Variants in CLVS1 observed in about 807,000 individuals in gnomAD.
CLVS1 encodes the protein clavesin-1.
A neutral mutation model predicts 33.1 loss-of-function variants in CLVS1; 10 were observed. The ratio of observed to expected loss-of-function variants is 0.30; its 90% CI spans 0.19 to 0.51. CLVS1 has a LOEUF of 0.51. Among genes scored for constraint, CLVS1 ranks in the 20% least tolerant of loss-of-function variants. The pLI, the probability that CLVS1 is intolerant of heterozygous loss-of-function variation, is 0.97. For missense variants in CLVS1, 343 were observed against 433.4 expected (o/e 0.79, Z 1.85); for synonymous variants, 163 against 166.1 (o/e 0.98, Z 0.14).
intron 2 of CLVS1, among the ~76,000 whole-genome samples, chr8:61,315,413 A>G (rs117274146): frequency 6.6e-6 from 1 of 152,258 alleles, no homozygotes; most frequent in East Asian, 1.9e-4. Context: ...TGAAAATCCA[A>G]ATAGTGTTGC....
chr8:61,033,210 C>T, the CLVS1 span, among the ~76,000 whole-genome samples: 3 of 152,036 alleles, frequency 2.0e-5, no homozygotes, highest in Non-Finnish European at 4.4e-5. Flanking sequence ...ACATCTGTGT[C>T]TCAAAACAAA....
intron 2 of CLVS1, among the ~76,000 whole-genome samples, chr8:61,334,850 G>A (rs1585817367): frequency 6.6e-6 from 1 of 152,168 alleles, no homozygotes; most frequent in African/African-American, 2.4e-5. Context: ...CAAGACAGGG[G>A]AATTGCAATA....
intron 5 of CLVS1, among the ~76,000 whole-genome samples, chr8:61,478,973 T>C (rs1191356421): frequency 6.6e-6 from 1 of 152,238 alleles, no homozygotes; most frequent in East Asian, 1.9e-4. Flanking sequence ...TGGGCTTCCC[T>C]TTGTGGGTAA....
rs777915920 is a variant in CLVS1, at chr8:61,137,723, G to A, written c.-152+5863G>A. ...TCCCCTTTCCAACATAGCCAGGCTC[G>A]ATGTTGCCATTACCATCTAATTAAA... On this transcript the variant is annotated intron_variant, in intron 2 of 2. Coordinates refer to the CLVS1 transcript ENST00000522621. 4.7e-4 allele frequency among the ~76,000 whole-genome samples: 72 copies of A among 152,052 alleles called. 1 individual carries two copies. Among genetic ancestry groups the A allele is most frequent in the African/African-American group, 7.0e-4 (29 of 41,380 alleles).
chr8:61,026,775 T>C, the CLVS1 span, among the ~76,000 whole-genome samples: 2 of 152,242 alleles, frequency 1.3e-5, no homozygotes, highest in Admixed American at 1.3e-4. Context: ...CATAGGGTTT[T>C]GTGCACCTCT....
chr8:61,121,919 A>G (rs1805879062), intron 1 of CLVS1, among the ~76,000 whole-genome samples: 1 of 152,216 alleles, frequency 6.6e-6, no homozygotes, highest in Admixed American at 6.5e-5. Flanking sequence ...CTTCGAGAAA[A>G]AAAGTGCCAG....
intron 1 of CLVS1, among the ~76,000 whole-genome samples, chr8:61,298,850 C>CATAA (rs1810318130): frequency 1.3e-5 from 2 of 152,054 alleles, no homozygotes; most frequent in African/African-American, 4.8e-5. Context: ...ATATCATTAT[C>CATAA]ATAAGTAAAA....
intron 2 of CLVS1, among the ~76,000 whole-genome samples, chr8:61,184,210 C>A (rs971341026): frequency 2.6e-5 from 4 of 152,156 alleles, no homozygotes; most frequent in Non-Finnish European, 4.4e-5. Context: ...GTGGAAGGAA[C>A]CTCTTCCTCG....
intron 1 of CLVS1, among the ~76,000 whole-genome samples, chr8:61,295,054 T>C (rs562175147): frequency 4.6e-5 from 7 of 152,308 alleles, no homozygotes; most frequent in East Asian, 3.9e-4. Flanking sequence ...AAAAATACCA[T>C]TACCTAATTT....
chr8:61,287,908 G>A (rs972070297), upstream of CLVS1: 17 of 351,038 alleles, frequency 4.8e-5, 1 homozygote, highest in Non-Finnish European at 8.5e-5. Context: ...GTGGTACGGA[G>A]GCATTTAGGA....
intron 2 of CLVS1, among the ~76,000 whole-genome samples, chr8:61,261,898 C>A (rs1809209627): frequency 6.6e-6 from 1 of 152,022 alleles, no homozygotes; most frequent in Non-Finnish European, 1.5e-5. Context: ...GTTCTTCAGG[C>A]AAGGTACCCA....
the CLVS1 span, among the ~76,000 whole-genome samples, chr8:61,029,064 G>A: frequency 6.6e-6 from 1 of 152,172 alleles, no homozygotes; most frequent in Non-Finnish European, 1.5e-5. Context: ...AATAGCTAAT[G>A]TTTATTAAGC....
the CLVS1 span, among the ~76,000 whole-genome samples, chr8:61,030,645 G>T: frequency 6.6e-6 from 1 of 152,202 alleles, no homozygotes; most frequent in Non-Finnish European, 1.5e-5. Context: ...CCGAGAAGGT[G>T]GCTGTGGACA....
chr8:61,443,054 A>T (rs1483741281), intron 3 of CLVS1, among the ~76,000 whole-genome samples: 2 of 152,024 alleles, frequency 1.3e-5, no homozygotes, highest in African/African-American at 4.8e-5. Flanking sequence ...ATTTTCTGGC[A>T]TGTTTTTGCT....
chr8:61,385,234 A>C lies in CLVS1; in HGVS notation c.630+8455A>C, dbSNP rs554735510. Among the ~76,000 whole-genome samples the C allele has an allele frequency of 2.0e-5, 3 of 152,318 alleles. No homozygotes were observed. In the South Asian group the frequency reaches 6.2e-4, roughly 32 times the overall value. ...AAGGACTGGCCTCTGTGAATTGTTTAGTTCCACATTAATATTTCTCAGTGC... is the reference window on the plus strand; with the variant it reads ...AAGGACTGGCCTCTGTGAATTGTTTCGTTCCACATTAATATTTCTCAGTGC... On this transcript the variant is annotated intron_variant, in intron 3 of 5. Coordinates refer to ENST00000325897, the MANE Select transcript of CLVS1 (RefSeq NM_173519.3).
chr8:61,076,358 A>T (rs1178754218), intron 1 of CLVS1, among the ~76,000 whole-genome samples: 1 of 152,192 alleles, frequency 6.6e-6, no homozygotes, highest in East Asian at 1.9e-4. Context: ...GTCTCTCCTT[A>T]GCCTTTTCCT....
chr8:61,167,268 C>T (rs1229300772), intron 2 of CLVS1, among the ~76,000 whole-genome samples: 4 of 150,272 alleles, frequency 2.7e-5, no homozygotes, highest in African/African-American at 9.8e-5. Context: ...GATCTCTGCT[C>T]ACCGCAACCT....
chr8:61,305,795 G>A (rs1810603674), intron 2 of CLVS1, among the ~76,000 whole-genome samples: 1 of 152,160 alleles, frequency 6.6e-6, no homozygotes, highest in Admixed American at 6.5e-5. Flanking sequence ...ACTTATGAGT[G>A]AGGAAATGTG....
chr8:61,332,673 C>T (rs1488036928), intron 2 of CLVS1, among the ~76,000 whole-genome samples: 1 of 152,122 alleles, frequency 6.6e-6, no homozygotes, highest in Non-Finnish European at 1.5e-5. Flanking sequence ...CAGAGTCTCT[C>T]TCTGTTGCCC....
Sources: allele counts gnomAD v4.1 joint callset (sites outside exome capture counted in the v4.1 genomes callset), GRCh38; gene constraint gnomAD v4.1.1; transcripts MANE v1.5; gene names NCBI Gene and HGNC (gene_info 2026-07-23, HGNC 2026-07-21).